Variants in EXD2 observed in about 807,000 individuals in gnomAD.
EXD2 encodes exonuclease 3'-5' domain containing 2.
In EXD2, 40 loss-of-function variants were observed where a neutral mutation model predicts 62.5. The ratio of observed to expected loss-of-function variants is 0.64; its 90% CI spans 0.50 to 0.83. The LOEUF (loss-of-function observed/expected upper bound fraction) is 0.83. Among genes scored for constraint, EXD2 ranks in the 40% least tolerant of loss-of-function variants. EXD2 has a pLI of 0.00. For missense variants in EXD2, 671 were observed against 761.8 expected, an observed-to-expected ratio of 0.88 and a Z score of 1.40; for synonymous variants, 239 against 291.9, an observed-to-expected ratio of 0.82 and a Z score of 1.85.
At chr14:69,200,475 G>A (rs1324976303) in intron 1 of EXD2, among the ~76,000 whole-genome samples, 1 of 151,776 alleles carries the variant, frequency 6.6e-6, no homozygotes. Flanking sequence ...GCCGAGTCTA[G>A]GGGATCGCTT....
intron 5 of EXD2, among the ~76,000 whole-genome samples, chr14:69,234,291 C>T (rs2043692609): frequency 6.6e-6 from 1 of 152,130 alleles, no homozygotes. Flanking sequence ...TGATTTCAGC[C>T]ATTCCAGAGG....
chr14:69,209,655 A>C lies in EXD2; in HGVS notation c.185A>C (p.His62Pro). ...ELPPPEDDQL[H>P]SSAPRSSWKE... Reference sequence around the variant, plus strand: ...CCCCCTCCAGAAGATGATCAGCTGCACTCCAGTGCCCCCAGATCCTCGTGG... The same window carrying C: ...CCCCCTCCAGAAGATGATCAGCTGCCCTCCAGTGCCCCCAGATCCTCGTGG... Residue 62 changes from histidine (H) to proline (P), a missense_variant, in exon 3 of 10, where the codon CAC becomes CCC. By Grantham distance (77) the His-to-Pro change is moderately conservative. Coordinates refer to ENST00000685843, the MANE Select transcript of EXD2 (RefSeq NM_001193360.2). 2.6e-6 allele frequency: 4 copies of C among 1,550,426 alleles called. No individual in the cohort carries two copies. Among genetic ancestry groups the C allele is most frequent in the Non-Finnish European group, 3.5e-6 (4 of 1,146,966 alleles).
At chr14:69,215,293 A>AAT (rs1181357825) in intron 3 of EXD2, among the ~76,000 whole-genome samples, 1 of 71,752 alleles carries the variant, frequency 1.4e-5, no homozygotes, top group African/African-American at 4.5e-5. Context: ...CCATCTCAAA[A>AAT]ATATATGTGT....
intron 2 of EXD2, among the ~76,000 whole-genome samples, chr14:69,206,568 C>T (rs914343115): frequency 6.6e-6 from 1 of 150,902 alleles, no homozygotes; most frequent in Non-Finnish European, 1.5e-5. Context: ...TAGCCTTGAC[C>T]TCCCCGGCTC....
intron 3 of EXD2, among the ~76,000 whole-genome samples, chr14:69,220,683 A>T (rs969611582): frequency 4.6e-5 from 7 of 150,894 alleles, no homozygotes; most frequent in Non-Finnish European, 8.9e-5. Flanking sequence ...AGCCTGGCCA[A>T]CATGGTGAAA....
intron 6 of EXD2, 80 bp downstream of exon 6, chr14:69,235,111 G>A: frequency 7.4e-7 from 1 of 1,342,412 alleles, no homozygotes; most frequent in Non-Finnish European, 1.0e-6. Flanking sequence ...TGGGGTCTGG[G>A]GAGAAGGCTT....
At position 69,209,523 on chromosome 14, in the gene EXD2, C is replaced by CTG; in HGVS notation, c.55_56dup (p.Gly20Ter). 6.5e-7 allele frequency: 1 copy of CTG among 1,550,180 alleles called. No homozygotes were observed. The highest frequency in any genetic ancestry group is 8.7e-7 in the Non-Finnish European group (1 of 1,146,754). On this transcript the variant is annotated frameshift_variant, in exon 3 of 10. Coordinates refer to ENST00000685843, the MANE Select transcript of EXD2 (RefSeq NM_001193360.2). LOFTEE classifies it high-confidence loss of function. ...ACAGTGACTACCCTTCTGGGTGTGGCTGTAGGGGGGTTTGTCCTCTGGAAA... is the reference window on the plus strand; with the variant it reads ...ACAGTGACTACCCTTCTGGGTGTGGCTGTGTAGGGGGGTTTGTCCTCTGGAAA...
At chr14:69,202,247 C>T (rs2042433071) in intron 1 of EXD2, among the ~76,000 whole-genome samples, 1 of 151,974 alleles carries the variant, frequency 6.6e-6, no homozygotes. Flanking sequence ...TGTCATGTGC[C>T]TGTGGTTGGT....
intron 1 of EXD2, among the ~76,000 whole-genome samples, chr14:69,194,698 A>G (rs2042141727): frequency 6.6e-6 from 1 of 152,082 alleles, no homozygotes; most frequent in Admixed American, 6.6e-5. Context: ...CTTCTGTTCT[A>G]TGGCATACTT....
intron 9 of EXD2, 57 bp downstream of exon 9, chr14:69,237,988 G>T: frequency 2.1e-6 from 3 of 1,456,716 alleles, no homozygotes; most frequent in Non-Finnish European, 2.8e-6. Flanking sequence ...ATTACTTAGT[G>T]AGAATGCTTG....
chr14:69,225,341 GT>G (rs1050045408), intron 3 of EXD2, among the ~76,000 whole-genome samples: 1 of 152,034 alleles, frequency 6.6e-6, no homozygotes, highest in South Asian at 2.1e-4. Flanking sequence ...TGTTTTGTTG[GT>G]TTTTTTCTTT....
intron 3 of EXD2, among the ~76,000 whole-genome samples, chr14:69,222,702 C>CT (rs5809420): frequency 0.31 from 47,357 of 151,742 alleles, 9,755 homozygotes; most frequent in East Asian, 0.91. Flanking sequence ...TGATTGTTTG[C>CT]TTTTTTTTAA....
At chr14:69,212,910 G>A (rs11625374) in intron 3 of EXD2, among the ~76,000 whole-genome samples, 47,261 of 150,572 alleles carry the variant, frequency 0.31, 9,798 homozygotes, top group East Asian at 0.92. Context: ...GGGGTTTTGC[G>A]GTGTGGTCCG....
intron 4 of EXD2, among the ~76,000 whole-genome samples, chr14:69,229,888 A>T (rs546064549): frequency 1.3e-5 from 2 of 152,228 alleles, no homozygotes; most frequent in South Asian, 2.1e-4. Context: ...ATTTTTTAGT[A>T]TAAAATGAAA....
chr14:69,237,586 T>C lies in EXD2; in HGVS notation c.1304T>C (p.Ile435Thr). Residue 435 changes from isoleucine (I) to threonine (T), a missense_variant, in exon 9 of 10, where the codon ATT becomes ACT. Physicochemically the swap from Ile to Thr is moderately conservative, Grantham distance 89 (BLOSUM62 -1). Coordinates refer to ENST00000685843, the MANE Select transcript of EXD2 (RefSeq NM_001193360.2). ...TGGGCTTGTTCCAGGAAGAACGTGA[T>C]TCCACATGAGTACCGGAAGCACTTC... ...KRDSYIRKNVIPHEYRKHFPI... is the reference protein window; with the variant it reads ...KRDSYIRKNVTPHEYRKHFPI... 1 of 1,614,200 alleles carries C rather than the reference T, an allele frequency of 6.2e-7. No homozygotes were observed. Among genetic ancestry groups the C allele is most frequent in the South Asian group, 1.1e-5 (1 of 91,080 alleles).
At chr14:69,232,716 C>T (rs1468358629) in intron 5 of EXD2, among the ~76,000 whole-genome samples, 1 of 152,156 alleles carries the variant, frequency 6.6e-6, no homozygotes, top group Non-Finnish European at 1.5e-5. Context: ...TCTATTCATA[C>T]ATATCCTTTG....
At position 69,241,058 on chromosome 14, in the gene EXD2, G is replaced by C; in HGVS notation, c.1824G>C (p.Leu608=). The part of the protein sequence containing the change: ...QWSVDHNHQK[L]LRKFGEDLPI... ...CAGTGGACCACAACCATCAGAAGCTGCTCCGGAAATTCGGGGAAGATCTTC... is the reference window on the plus strand; with the variant it reads ...CAGTGGACCACAACCATCAGAAGCTCCTCCGGAAATTCGGGGAAGATCTTC... Residue 608 remains leucine (L), a synonymous_variant, in exon 10 of 10, where the codon CTG becomes CTC. Coordinates refer to ENST00000685843, the MANE Select transcript of EXD2 (RefSeq NM_001193360.2). The C allele has an allele frequency of 6.2e-7, 1 of 1,612,796 alleles. No homozygotes were observed. The highest frequency in any genetic ancestry group is 8.5e-7 in the Non-Finnish European group (1 of 1,180,040).
chr14:69,211,149 T>C (rs2042793112), intron 3 of EXD2, among the ~76,000 whole-genome samples: 1 of 152,190 alleles, frequency 6.6e-6, no homozygotes, highest in Non-Finnish European at 1.5e-5. Context: ...ACAGTAGAAC[T>C]TCTTTCAAAA....
intron 3 of EXD2, among the ~76,000 whole-genome samples, chr14:69,224,884 C>T (rs1341029109): frequency 2.0e-5 from 3 of 151,980 alleles, no homozygotes; most frequent in African/African-American, 7.2e-5. Context: ...GAGGCTGAGG[C>T]AGGAGAATCA....
Sources: gnomAD v4.1 joint callset for allele counts (sites outside exome capture counted in the v4.1 genomes callset) on GRCh38, gnomAD v4.1.1 for gene constraint, MANE v1.5 for transcripts, NCBI Gene and HGNC (gene_info 2026-07-23, HGNC 2026-07-21) for gene names.